Variants in MINDY4 observed in about 807,000 individuals in gnomAD.
MINDY4 encodes probable ubiquitin carboxyl-terminal hydrolase MINDY-4.
MINDY4 carries 68 observed loss-of-function variants against 87.0 expected under a neutral mutation model. The ratio of observed to expected loss-of-function variants is 0.78; its 90% CI spans 0.64 to 0.96. The LOEUF is 0.96. Ranked by LOEUF, MINDY4 falls within the 40% of genes least tolerant of loss-of-function variation. The probability of loss-of-function intolerance (pLI) is 0.00; values close to 1 mark genes in which losing one functional copy is unlikely to be tolerated. For synonymous variants in MINDY4, 379 were observed against 363.2 expected, an observed-to-expected ratio of 1.04 and a Z score of -0.50; for missense variants, 919 against 928.2, an observed-to-expected ratio of 0.99 and a Z score of 0.13.
At chr7:30,807,289 G>T (rs921305696) in intron 5 of MINDY4, among the ~76,000 whole-genome samples, 7 of 152,106 alleles carry the variant, frequency 4.6e-5, no homozygotes, top group Non-Finnish European at 8.8e-5. Flanking sequence ...ATTTTGGCAG[G>T]TATCTAGGAA....
At chr7:30,790,167 G>A (rs1386332328) in intron 4 of MINDY4, among the ~76,000 whole-genome samples, 5 of 152,180 alleles carry the variant, frequency 3.3e-5, no homozygotes, top group African/African-American at 1.2e-4. Context: ...TTGGGGAGAA[G>A]TACTACAGGT....
intron 1 of MINDY4, among the ~76,000 whole-genome samples, chr7:30,778,005 A>G (rs1258363029): frequency 5.3e-5 from 8 of 152,154 alleles, no homozygotes; most frequent in Non-Finnish European, 1.2e-4. Context: ...ACAGTTTGGG[A>G]TGGTTACAGC....
At chr7:30,875,770 G>A in intron 15 of MINDY4, 114 bp downstream of exon 15, 2 of 1,219,100 alleles carry the variant, frequency 1.6e-6, no homozygotes, top group Non-Finnish European at 2.3e-6. Flanking sequence ...CTGAAATTCG[G>A]GTCCAGTTAG....
intron 13 of MINDY4, among the ~76,000 whole-genome samples, chr7:30,860,543 G>A (rs1789724224): frequency 1.3e-5 from 2 of 152,114 alleles, no homozygotes; most frequent in Admixed American, 1.3e-4. Flanking sequence ...GGGTTGGGTG[G>A]GAGTCTCCAG....
intron 17 of MINDY4, among the ~76,000 whole-genome samples, chr7:30,885,821 C>G (rs189801591): frequency 4.0e-4 from 61 of 151,818 alleles, no homozygotes; most frequent in African/African-American, 1.5e-3. Context: ...CATTAGCTAT[C>G]CCCTCATCCC....
chr7:30,844,622 C>A (rs1012334357), intron 9 of MINDY4, among the ~76,000 whole-genome samples: 1 of 152,196 alleles, frequency 6.6e-6, no homozygotes, highest in African/African-American at 2.4e-5. Context: ...CATGTCACTG[C>A]TTTGCCAAGG....
intron 12 of MINDY4, among the ~76,000 whole-genome samples, chr7:30,854,769 C>T (rs1237115037): frequency 6.6e-6 from 1 of 152,206 alleles, no homozygotes; most frequent in Non-Finnish European, 1.5e-5. Flanking sequence ...GGGAAATGAT[C>T]AGGCCCTGGC....
intron 1 of MINDY4, among the ~76,000 whole-genome samples, chr7:30,774,021 A>G (rs1361800774): frequency 6.6e-6 from 1 of 152,202 alleles, no homozygotes; most frequent in African/African-American, 2.4e-5. Context: ...GAGCTGAATG[A>G]GATTGGAGAG....
intron 12 of MINDY4, among the ~76,000 whole-genome samples, chr7:30,855,758 G>C (rs917805704): frequency 2.6e-5 from 4 of 152,264 alleles, no homozygotes; most frequent in Non-Finnish European, 5.9e-5. Flanking sequence ...GGGCGAGGGG[G>C]CCTCCTTTCA....
intron 7 of MINDY4, among the ~76,000 whole-genome samples, chr7:30,838,026 A>G (rs1484261982): frequency 6.6e-6 from 1 of 152,204 alleles, no homozygotes; most frequent in Non-Finnish European, 1.5e-5. Context: ...GAAAGGTCTG[A>G]CCCAGAGAGG....
chr7:30,773,482 T>C (rs1240112912), intron 1 of MINDY4, among the ~76,000 whole-genome samples: 1 of 152,170 alleles, frequency 6.6e-6, no homozygotes, highest in Non-Finnish European at 1.5e-5. Flanking sequence ...AGACCTCATC[T>C]TCCATGACTG....
intron 17 of MINDY4, 55 bp downstream of exon 17, chr7:30,883,048 C>A: frequency 6.4e-7 from 1 of 1,569,142 alleles, no homozygotes; most frequent in Non-Finnish European, 8.8e-7. Context: ...TTTGAGGAGC[C>A]ATGGTTGGGG....
rs957102315 is a variant in MINDY4 at position 30,874,834 on chromosome 7, A to G, written c.1810-661A>G. 4.9e-4 allele frequency among the ~76,000 whole-genome samples: 75 copies of G among 152,320 alleles called. 1 individual carries two copies. Among genetic ancestry groups the G allele is most frequent in the Non-Finnish European group, 2.8e-4 (19 of 68,030 alleles). On this transcript the variant is annotated intron_variant, in intron 14 of 17. Transcript: ENST00000265299. Reference sequence around the variant, plus strand: ...GGAGTTTAGTTATTGGTACTGCACCATGGTCAGTTTCCTGGTTGAGATAAT... The same window carrying G: ...GGAGTTTAGTTATTGGTACTGCACCGTGGTCAGTTTCCTGGTTGAGATAAT...
In MINDY4 at chr7:30,885,048, G is replaced by A. The variant is rs1014286311; in HGVS notation, c.2225+2055G>A. On this transcript the variant is annotated intron_variant, in intron 17 of 17. Coordinates refer to ENST00000265299, the MANE Select transcript of MINDY4 (RefSeq NM_032222.3). The stretch of plus-strand genomic sequence containing the variant: ...CCTTCTCTGCCCTCACATCTGCTTA[G>A]TGTTGTGTGAGCTTGGACAAGGCTG... Among the ~76,000 whole-genome samples the A allele has an allele frequency of 3.3e-5, 5 of 152,234 alleles. No homozygotes were observed. In the South Asian group the frequency reaches 1.0e-3, roughly 32 times the overall value.
At chr7:30,867,185 C>T (rs1295760286) in intron 13 of MINDY4, among the ~76,000 whole-genome samples, 1 of 152,182 alleles carries the variant, frequency 6.6e-6, no homozygotes, top group Non-Finnish European at 1.5e-5. Flanking sequence ...TCTGACTCAT[C>T]GTCTACTCCC....
intron 5 of MINDY4, among the ~76,000 whole-genome samples, chr7:30,814,927 G>A (rs138996699): frequency 2.3e-3 from 349 of 152,316 alleles, no homozygotes; most frequent in African/African-American, 7.8e-3. Flanking sequence ...TGCCTTATAA[G>A]TTTGAAAGGA....
intron 15 of MINDY4, among the ~76,000 whole-genome samples, chr7:30,880,103 T>C (rs1438574719): frequency 6.6e-6 from 1 of 152,196 alleles, no homozygotes; most frequent in East Asian, 1.9e-4. Flanking sequence ...TGCTGTTCCT[T>C]AGAAATGCCA....
At chr7:30,820,057 A>G (rs924062000) in intron 5 of MINDY4, among the ~76,000 whole-genome samples, 2 of 150,096 alleles carry the variant, frequency 1.3e-5, no homozygotes, top group East Asian at 1.9e-4. Flanking sequence ...GCCCGCCACT[A>G]CGCCCGGCTA....
chr7:30,839,113 A>G, intron 7 of MINDY4, 87 bp from the exon 8 acceptor site: 1 of 821,570 alleles, frequency 1.2e-6, no homozygotes, highest in Non-Finnish European at 1.9e-6. Context: ...AGAATTCAAG[A>G]ACAACTTCTG....
Sources: gnomAD v4.1 joint callset for allele counts (sites outside exome capture counted in the v4.1 genomes callset) on GRCh38, gnomAD v4.1.1 for gene constraint, MANE v1.5 for transcripts, NCBI Gene and HGNC (gene_info 2026-07-23, HGNC 2026-07-21) for gene names.